Variants in PRAM1 observed in about 807,000 individuals in gnomAD.
PRAM1 encodes the protein PML-RARA regulated adaptor molecule 1.
Under a neutral mutation model 55.3 loss-of-function variants are expected in PRAM1, and 41 were observed. The observed-to-expected ratio is 0.74, with a 90% confidence interval of 0.58 to 0.96. The LOEUF (loss-of-function observed/expected upper bound fraction) is 0.96. Among genes scored for constraint, PRAM1 ranks in the 40% least tolerant of loss-of-function variants. The pLI is 0.00. For missense variants in PRAM1, 898 were observed against 892.7 expected (o/e 1.01, Z -0.08); for synonymous variants, 401 against 387.1 (o/e 1.04, Z -0.42).
In PRAM1 at chr19:8,499,381, G is replaced by A. The variant is rs757459676; in HGVS notation, c.427C>T (p.Pro143Ser). ...QLGATPFPRKPLQPEVGEAPL... is the reference protein window; with the variant it reads ...QLGATPFPRKSLQPEVGEAPL... ...GCCTCACCGACCTCAGGCTGCAGGG[G>A]CTTCCTTGGAAACGGAGTGGCCCCC... The change falls in exon 2 of 10, where the codon CCC becomes TCC. Residue 143 changes from proline to serine, a missense_variant. Transcript: ENST00000423345. 26 of 1,612,908 alleles carry A rather than the reference G, an allele frequency of 1.6e-5. No homozygotes were observed. The highest frequency in any genetic ancestry group is 2.1e-5 in the Non-Finnish European group (25 of 1,179,868).
chr19:8,490,546 A>C lies in PRAM1; in HGVS notation c.1907-37T>G. 6.2e-7 allele frequency: 1 copy of C among 1,603,904 alleles called. No individual in the cohort carries two copies. Among genetic ancestry groups the C allele is most frequent in the Non-Finnish European group, 8.5e-7 (1 of 1,175,540 alleles). On this transcript the variant is annotated intron_variant, in intron 7 of 9. Coordinates refer to ENST00000423345, the MANE Select transcript of PRAM1 (RefSeq NM_032152.5). This position sits in a 1 kb window ranked among gnomAD's most constrained non-coding sequence, Gnocchi z 7.3. ...GTGGGCATGGTGGGTTCTGAGGCCC[A>C]GGGTGGCGGCGGGGACCTCCCGGGG... is the stretch of plus-strand genomic sequence containing the variant.
In PRAM1 at chr19:8,499,772, A is replaced by G. The variant is rs1458423354; in HGVS notation, c.36T>C (p.His12=). ...AHHLPAAMES[H]QDFRSIKAKF... is the part of the protein sequence containing the mutation. ...TTGCTTTGATGCTCCGGAAGTCCTGATGGCTCTCCTAGGAGACGCAGAGCC... is the reference window on the plus strand; with the variant it reads ...TTGCTTTGATGCTCCGGAAGTCCTGGTGGCTCTCCTAGGAGACGCAGAGCC... The change falls in exon 2 of 10, where the codon CAT becomes CAC. Residue 12 remains histidine, a synonymous_variant. Transcript: ENST00000423345. 6.2e-7 allele frequency: 1 copy of G among 1,601,570 alleles called. No homozygotes were observed. The highest frequency in any genetic ancestry group is 1.8e-5 in the Admixed American group (1 of 56,876).
At chr19:8,494,927 C>A (rs980042516) in intron 4 of PRAM1, among the ~76,000 whole-genome samples, 4 of 148,900 alleles carry the variant, frequency 2.7e-5, no homozygotes, top group Non-Finnish European at 4.5e-5. Flanking sequence ...GCCACTGCGC[C>A]TGGCCTTTTT....
intron 1 of PRAM1, among the ~76,000 whole-genome samples, chr19:8,500,332 C>A (rs1186501463): frequency 6.6e-6 from 1 of 151,942 alleles, no homozygotes; most frequent in Non-Finnish European, 1.5e-5. Flanking sequence ...TTCTCACTGC[C>A]TTCACCACTG....
Position 8,495,950 on chromosome 19 carries a change from T to C in PRAM1, c.1576+1814A>G, listed in dbSNP as rs558003021. 314 of 403,656 alleles carry C rather than the reference T, an allele frequency of 7.8e-4. 3 individuals are homozygous for C. The highest frequency in any genetic ancestry group is 1.8e-3 in the Middle Eastern group (5 of 2,806). 25.0% of individuals were successfully genotyped at this position (403,656 alleles called of 1,614,324 possible). ...TTCATGAAGGCATTAACTGTGGAGC[T>C]GGGCAGGAGGTGCGGGCCTGCTCCC... is the stretch of plus-strand genomic sequence containing the variant. On this transcript the variant is annotated intron_variant, in intron 4 of 9. Transcript: ENST00000423345.
intron 1 of PRAM1, among the ~76,000 whole-genome samples, 152 bp from the exon 2 acceptor site, chr19:8,499,932 T>C (rs544866497): frequency 1.2e-4 from 18 of 144,090 alleles, no homozygotes; most frequent in African/African-American, 4.7e-4. Context: ...CCCCCATGGA[T>C]CCTAGGATCC....
rs547746325 is a variant in PRAM1 at position 8,499,328 on chromosome 19, A to G, written c.480T>C (p.Pro160=). 1 of 1,610,086 alleles carries G rather than the reference A, an allele frequency of 6.2e-7. No individual in the cohort carries two copies. Among genetic ancestry groups the G allele is most frequent in the African/African-American group, 1.3e-5 (1 of 74,404 alleles). ...EAPLKASLPE[P]GAPARKPLQP... ...GCAGGGGTTTCCGGGCCGGCGCACC[A>G]GGCTCCGGCAGCGAGGCCTTCAAAG... The change falls in exon 2 of 10, where the codon CCT becomes CCC. Residue 160 remains proline, a synonymous_variant. Coordinates refer to ENST00000423345, the MANE Select transcript of PRAM1 (RefSeq NM_032152.5).
chr19:8,490,718 G>T lies in PRAM1; in HGVS notation c.1782C>A (p.Ile594=). ...CGCGACGTGTCTTAGCGTTGGGGTC[G>T]ATCATCATCTTCGTGTGAACCACGA... ...GEIVVHTKMM[I]DPNAKTRRGG... is the part of the protein sequence containing the mutation. The change falls in exon 7 of 10, where the codon ATC becomes ATA. Residue 594 remains isoleucine, a synonymous_variant. Coordinates refer to ENST00000423345, the MANE Select transcript of PRAM1 (RefSeq NM_032152.5). This position sits in a 1 kb window ranked among gnomAD's most constrained non-coding sequence, Gnocchi z 7.3. 1 of 1,611,332 alleles carries T rather than the reference G, an allele frequency of 6.2e-7. No individual in the cohort carries two copies.
chr19:8,502,607 C>G lies in PRAM1; in HGVS notation c.-16G>C. 1 of 1,549,830 alleles carries G rather than the reference C, an allele frequency of 6.5e-7. No homozygotes were observed. The highest frequency in any genetic ancestry group is 8.7e-7 in the Non-Finnish European group (1 of 1,148,184). On this transcript the variant is annotated 5_prime_UTR_variant, in exon 1 of 10. Coordinates refer to ENST00000423345, the MANE Select transcript of PRAM1 (RefSeq NM_032152.5). ...GATGGGCCATGGGATGAGTGGGACC[C>G]GAGCTGGGGCCGCTGCCTTCAGGAA...
intron 3 of PRAM1, 90 bp downstream of exon 3, chr19:8,498,133 G>T: frequency 7.3e-7 from 1 of 1,374,622 alleles, no homozygotes; most frequent in Non-Finnish European, 1.0e-6. Context: ...GCCCACTTCA[G>T]CCTCCCGAAG....
At chr19:8,499,891 G>T (rs980691617) in intron 1 of PRAM1, 111 bp from the exon 2 acceptor site, 3 of 873,122 alleles carry the variant, frequency 3.4e-6, no homozygotes, top group African/African-American at 3.4e-5. Flanking sequence ...CTGCGCCCAG[G>T]CCCGGTCAGC....
At chr19:8,495,370 G>C (rs960331281) in intron 4 of PRAM1, among the ~76,000 whole-genome samples, 3 of 152,112 alleles carry the variant, frequency 2.0e-5, no homozygotes, top group Non-Finnish European at 2.9e-5. Context: ...AAAGTGCTGG[G>C]ATTACAGGCG....
chr19:8,499,664 G>T lies in PRAM1; in HGVS notation c.144C>A (p.Ser48=). ...TGGGGTGCTCGCTTAGCTCAGGCTG[G>T]GAGAACTTCTTCAGTTTACCAAACT... The part of the protein sequence containing the change: ...KPEFGKLKKF[S]QPELSEHPKK... Residue 48 remains serine, a synonymous_variant, in exon 2 of 10, where the codon TCC becomes TCA. Coordinates refer to ENST00000423345, the MANE Select transcript of PRAM1 (RefSeq NM_032152.5). 6.2e-7 allele frequency: 1 copy of T among 1,613,762 alleles called. No individual in the cohort carries two copies. The highest frequency in any genetic ancestry group is 1.3e-5 in the African/African-American group (1 of 74,902).
chr19:8,492,338 C>T (rs1971642057), intron 4 of PRAM1, among the ~76,000 whole-genome samples: 1 of 151,732 alleles, frequency 6.6e-6, no homozygotes, highest in Non-Finnish European at 1.5e-5. Flanking sequence ...CTCACTGCAA[C>T]CTCTGCCTCC....
intron 1 of PRAM1, 74 bp from the exon 2 acceptor site, chr19:8,499,854 C>G: frequency 7.6e-7 from 1 of 1,321,630 alleles, no homozygotes; most frequent in South Asian, 1.4e-5. Context: ...CCTGGGGACC[C>G]TCAGGCACAG....
rs888051265 is a variant in PRAM1 at position 8,491,115 on chromosome 19, T to C, written c.1619A>G (p.Gln540Arg). 3.1e-6 allele frequency: 5 copies of C among 1,612,146 alleles called. No homozygotes were observed. The highest frequency in any genetic ancestry group is 3.4e-6 in the Non-Finnish European group (4 of 1,179,850). The change falls in exon 5 of 10, where the codon CAA (glutamine) becomes CGA (arginine). Residue 540 changes from glutamine (Q) to arginine (R), a missense_variant. By Grantham distance (43) the Gln-to-Arg change is conservative. This residue lies in a region of PRAM1 where 787 missense variants were observed against 735.4 expected (regional missense o/e 1.07). Transcript: ENST00000423345. ...CCCATGGCACCTGAGCGCTGGGTCT[T>C]GTGGTGGCCTCCTGGCGGCTTGCTG... ...SVQQAARRPP[Q>R]DPALRKEKDP...
At chr19:8,501,975 G>A (rs1323712642) in intron 1 of PRAM1, among the ~76,000 whole-genome samples, 2 of 152,186 alleles carry the variant, frequency 1.3e-5, no homozygotes, top group African/African-American at 4.8e-5. Flanking sequence ...CAAGGAGATT[G>A]GGGGAGGGAA....
intron 4 of PRAM1, among the ~76,000 whole-genome samples, chr19:8,497,371 C>T (rs1290264422): frequency 6.6e-6 from 1 of 151,994 alleles, no homozygotes; most frequent in Non-Finnish European, 1.5e-5. Context: ...GAGATGAGGT[C>T]TCGCTCTGTG....
At chr19:8,500,252 C>T (rs1388023525) in intron 1 of PRAM1, among the ~76,000 whole-genome samples, 3 of 151,922 alleles carry the variant, frequency 2.0e-5, no homozygotes, top group East Asian at 3.9e-4. Flanking sequence ...GGATTACAGG[C>T]TTGAGCCGCC....
Sources: gnomAD v4.1 joint callset for allele counts (sites outside exome capture counted in the v4.1 genomes callset) on GRCh38, gnomAD v4.1.1 for gene constraint, gnomAD v4.1.1 regional missense constraint, Gnocchi (gnomAD v3.1) non-coding constraint, MANE v1.5 for transcripts, NCBI Gene and HGNC (gene_info 2026-07-23, HGNC 2026-07-21) for gene names.